The following USP34 variants were observed in gnomAD, a reference collection of about 807,000 sequenced individuals.
USP34 encodes the protein ubiquitin specific peptidase 34, also known as ubiquitin carboxyl-terminal hydrolase 34.
In USP34, 70 loss-of-function variants were observed where a neutral mutation model predicts 460.3. The observed-to-expected ratio is 0.15, with a 90% CI of 0.13 to 0.19. The LOEUF is 0.19. Among genes scored for constraint, USP34 ranks in the 10% least tolerant of loss-of-function variants. The pLI is 1.00. For missense variants in USP34, 3,985 were observed against 4,236.2 expected (o/e 0.94, Z 1.65); for synonymous variants, 1,647 against 1,405.3 (o/e 1.17, Z -3.85).
chr2:61,328,700 G>A (rs766066451), intron 20 of USP34, among the ~76,000 whole-genome samples: 1 of 152,180 alleles, frequency 6.6e-6, no homozygotes, highest in African/African-American at 2.4e-5. Flanking sequence ...GCAATGCTTT[G>A]CTCACCTCTG....
chr2:61,458,471 G>A (rs1695501341), intron 1 of USP34, among the ~76,000 whole-genome samples: 1 of 148,266 alleles, frequency 6.7e-6, no homozygotes, highest in Admixed American at 6.8e-5. Flanking sequence ...TGAGGCAGGA[G>A]AATCATTTGA....
At chr2:61,397,779 G>C (rs1249821977) in intron 3 of USP34, among the ~76,000 whole-genome samples, 1 of 151,792 alleles carries the variant, frequency 6.6e-6, no homozygotes, top group Non-Finnish European at 1.5e-5. Flanking sequence ...CACACCTGTA[G>C]TCCCAGCTCC....
chr2:61,350,189 TAGC>T lies in USP34; in HGVS notation c.1507+68_1507+70del, dbSNP rs1691904732. On this transcript the variant is annotated intron_variant, in intron 12 of 79. Transcript: ENST00000398571. The stretch of plus-strand genomic sequence containing the variant: ...AAAATAAAGATTGAACTGAATGTAT[TAGC>T]AGAAAATATTTCAAATCTGAGTGAG... The T allele has an allele frequency of 5.5e-6, 8 of 1,462,788 alleles. No homozygotes were observed. In the Admixed American group the frequency reaches 6.2e-5, roughly 11 times the overall value. 90.6% of individuals were successfully genotyped at this position (1,462,788 alleles called of 1,614,324 possible).
At chr2:61,424,431 G>T (rs879732020) in intron 1 of USP34, among the ~76,000 whole-genome samples, 1 of 152,152 alleles carries the variant, frequency 6.6e-6, no homozygotes, top group Non-Finnish European at 1.5e-5. Context: ...AATTCAACTG[G>T]TATGAGGTAT....
intron 71 of USP34, 63 bp from the exon 72 acceptor site, chr2:61,206,187 C>A: frequency 7.7e-7 from 1 of 1,304,914 alleles, no homozygotes; most frequent in South Asian, 1.2e-5. Flanking sequence ...CAAATGTTTT[C>A]TACTGTAAAC....
intron 1 of USP34, among the ~76,000 whole-genome samples, chr2:61,421,768 A>G (rs1694363852): frequency 6.8e-6 from 1 of 146,178 alleles, no homozygotes; most frequent in Non-Finnish European, 1.5e-5. Flanking sequence ...GTTAGTTTAC[A>G]TTTAAAACAC....
rs57231258 is a variant in USP34, at chr2:61,229,457, T to TAAAAAAAAAA, written c.7199+81_7199+90dup. The stretch of plus-strand genomic sequence containing the variant: ...GGCAACATGAAGAAACCCTATCTCT[T>TAAAAAAAAAA]AAAAAAAAAAAAAAAAAACAAAAAA... On this transcript the variant is annotated intron_variant, in intron 59 of 79. Transcript: ENST00000398571. 8.6e-5 allele frequency: 33 copies of TAAAAAAAAAA among 382,140 alleles called. 1 individual carries two copies. The highest frequency in any genetic ancestry group is 1.8e-4 in the East Asian group (3 of 17,104). The allele number at this position is 382,140 out of a possible 1,614,324, so 23.7% of individuals were successfully genotyped here. A position where few individuals can be genotyped will look rare whatever the true frequency, so the allele number is the denominator to read the frequency against.
intron 1 of USP34, among the ~76,000 whole-genome samples, chr2:61,434,074 T>C (rs1291957744): frequency 3.9e-5 from 6 of 152,012 alleles, no homozygotes; most frequent in African/African-American, 1.5e-4. Context: ...CTCTCCAAAG[T>C]AGTGGAGGCC....
intron 5 of USP34, 35 bp downstream of exon 5, chr2:61,394,818 T>C (rs1693468113): frequency 6.9e-7 from 1 of 1,451,496 alleles, no homozygotes; most frequent in East Asian, 2.6e-5. Flanking sequence ...TAGACATTGC[T>C]CCCAAAATTA....
chr2:61,238,070 A>AT (rs1323251047), intron 53 of USP34, among the ~76,000 whole-genome samples: 2 of 150,572 alleles, frequency 1.3e-5, no homozygotes, highest in Non-Finnish European at 3.0e-5. Context: ...TAATTTTTGT[A>AT]TTTTTAGTAG....
At chr2:61,420,894 G>C (rs975648048) in intron 1 of USP34, 61 bp from the exon 2 acceptor site, 2 of 1,247,244 alleles carry the variant, frequency 1.6e-6, no homozygotes, top group Non-Finnish European at 2.2e-6. Context: ...AAAGCCAACA[G>C]TTCAAAATAA....
chr2:61,421,787 A>G (rs1382865626), intron 1 of USP34, among the ~76,000 whole-genome samples: 1 of 146,908 alleles, frequency 6.8e-6, no homozygotes, highest in Non-Finnish European at 1.5e-5. Context: ...ACACACACAC[A>G]CACACACACA....
intron 69 of USP34, among the ~76,000 whole-genome samples, chr2:61,210,700 A>C (rs1017579370): frequency 4.6e-5 from 7 of 152,118 alleles, no homozygotes; most frequent in African/African-American, 1.7e-4. Context: ...TTTCAAGAAG[A>C]GTTAAGAAAG....
At chr2:61,235,654 C>T (rs192650966) in intron 57 of USP34, among the ~76,000 whole-genome samples, 191 bp downstream of exon 57, 1 of 151,970 alleles carries the variant, frequency 6.6e-6, no homozygotes, top group African/African-American at 2.4e-5. Context: ...ACTTAATAAT[C>T]AATTATTTAA....
intron 1 of USP34, among the ~76,000 whole-genome samples, chr2:61,437,666 G>A (rs956665220): frequency 4.6e-5 from 7 of 152,072 alleles, no homozygotes; most frequent in East Asian, 3.9e-4. Flanking sequence ...CCAGCTAGTC[G>A]GGAGGCTGAG....
intron 2 of USP34, among the ~76,000 whole-genome samples, chr2:61,408,343 C>T (rs962254452): frequency 1.3e-5 from 2 of 152,060 alleles, no homozygotes; most frequent in African/African-American, 2.4e-5. Flanking sequence ...ATGTTTACTG[C>T]TGTTTTAAGA....
chr2:61,446,621 C>T (rs1356961904), intron 1 of USP34, among the ~76,000 whole-genome samples: 2 of 151,898 alleles, frequency 1.3e-5, no homozygotes, highest in African/African-American at 4.8e-5. Context: ...CATGGTGAAG[C>T]CCCATCTCTA....
chr2:61,325,891 T>G (rs897431627), intron 20 of USP34, among the ~76,000 whole-genome samples: 1 of 152,214 alleles, frequency 6.6e-6, no homozygotes, highest in African/African-American at 2.4e-5. Context: ...TTTCCATAAA[T>G]CTAGTTCATG....
chr2:61,285,100 A>G (rs568851662), intron 34 of USP34, 143 bp from the exon 35 acceptor site: 4 of 598,046 alleles, frequency 6.7e-6, no homozygotes, highest in African/African-American at 1.9e-5. Flanking sequence ...TTTATCTATA[A>G]CACAATAAAG....
Sources: gnomAD v4.1 joint callset for allele counts (sites outside exome capture counted in the v4.1 genomes callset) on GRCh38, gnomAD v4.1.1 for gene constraint, MANE v1.5 for transcripts, NCBI Gene and HGNC (gene_info 2026-07-23, HGNC 2026-07-21) for gene names.